The following MAD1L1 variants were observed in gnomAD, a reference collection of about 807,000 sequenced individuals.
The protein encoded by MAD1L1 is mitotic arrest deficient 1 like 1.
In MAD1L1, 95 loss-of-function variants were observed where a neutral mutation model predicts 96.9. The ratio of observed to expected loss-of-function variants is 0.98; its 90% CI spans 0.83 to 1.16. The LOEUF is 1.16. MAD1L1 is among the 50% of genes most tolerant of loss of function. The pLI, the probability that MAD1L1 is intolerant of heterozygous loss-of-function variation, is 0.00. For missense variants in MAD1L1, 1,007 were observed against 954.4 expected, an observed-to-expected ratio of 1.06 and a Z score of -0.73; for synonymous variants, 473 against 396.6, an observed-to-expected ratio of 1.19 and a Z score of -2.29.
chr7:1,850,158 G>A (rs1275770956), intron 18 of MAD1L1, among the ~76,000 whole-genome samples: 4 of 152,158 alleles, frequency 2.6e-5, no homozygotes, highest in East Asian at 1.9e-4. Context: ...CCGGGGCAGC[G>A]GCTTCCCCTG....
At chr7:2,221,225 G>A (rs750543285) in intron 5 of MAD1L1, among the ~76,000 whole-genome samples, 9 of 151,852 alleles carry the variant, frequency 5.9e-5, no homozygotes, top group African/African-American at 1.7e-4. Context: ...TGCTCGGCAC[G>A]ACTCACCCTC....
intron 12 of MAD1L1, among the ~76,000 whole-genome samples, chr7:2,051,540 C>A (rs368585746): frequency 2.0e-5 from 3 of 152,146 alleles, no homozygotes; most frequent in East Asian, 3.9e-4. Context: ...TAGAAACTCA[C>A]ACTTAATGCA....
chr7:2,156,218 C>A (rs540051490), intron 10 of MAD1L1, among the ~76,000 whole-genome samples: 1 of 150,390 alleles, frequency 6.6e-6, no homozygotes, highest in South Asian at 2.1e-4. Context: ...GGTTTCACGG[C>A]GCGTGTGGCG....
At chr7:2,120,190 T>C (rs1050334179) in intron 11 of MAD1L1, among the ~76,000 whole-genome samples, 1 of 152,118 alleles carries the variant, frequency 6.6e-6, no homozygotes, top group Non-Finnish European at 1.5e-5. Flanking sequence ...CAACACAGTC[T>C]CCCTTCCCCA....
At chr7:1,859,221 T>TC (rs1389103204) in intron 18 of MAD1L1, among the ~76,000 whole-genome samples, 1 of 152,110 alleles carries the variant, frequency 6.6e-6, no homozygotes, top group Non-Finnish European at 1.5e-5. Context: ...AAGAGCCACT[T>TC]CCCAGAACGC....
intron 11 of MAD1L1, among the ~76,000 whole-genome samples, chr7:2,104,735 A>G (rs961277168): frequency 2.5e-5 from 2 of 78,862 alleles, no homozygotes; most frequent in Non-Finnish European, 7.5e-5. Context: ...TCATTGTGAC[A>G]TCCCTAACGC....
chr7:2,088,842 C>T lies in MAD1L1; in HGVS notation c.1074-19504G>A, dbSNP rs896996349. 2.0e-5 allele frequency: 3 copies of T among 152,326 alleles called. No individual in the cohort carries two copies. The highest frequency in any genetic ancestry group is 1.9e-4 in the East Asian group (1 of 5,200). The allele number at this position is 152,326 out of a possible 1,614,324, so 9.4% of individuals were successfully genotyped here. A position where few individuals can be genotyped will look rare whatever the true frequency, so the allele number is the denominator to read the frequency against. Reference sequence around the variant, plus strand: ...TCCACAGAGGAGTTGTGAAGGTTCACACAGGGCTGGTGCTCACCCTCTGCC... The same window carrying T: ...TCCACAGAGGAGTTGTGAAGGTTCATACAGGGCTGGTGCTCACCCTCTGCC... On this transcript the variant is annotated intron_variant, in intron 11 of 18. Coordinates refer to ENST00000265854, the MANE Select transcript of MAD1L1 (RefSeq NM_001013836.2). This position sits in a 1 kb window ranked among gnomAD's most constrained non-coding sequence, Gnocchi z 4.4.
At chr7:1,985,019 G>A (rs1038125873) in intron 14 of MAD1L1, among the ~76,000 whole-genome samples, 1 of 152,188 alleles carries the variant, frequency 6.6e-6, no homozygotes, top group Non-Finnish European at 1.5e-5. Context: ...TATGTTGGGT[G>A]CCTAACTAGT....
chr7:1,871,198 CTGAA>C (rs1785068442), intron 18 of MAD1L1, among the ~76,000 whole-genome samples: 1 of 144,002 alleles, frequency 6.9e-6, no homozygotes, highest in African/African-American at 2.6e-5. Context: ...GCCTGCCATG[CTGAA>C]CCCACCGTAA....
intron 3 of MAD1L1, among the ~76,000 whole-genome samples, chr7:2,227,332 T>C (rs1395080575): frequency 6.6e-6 from 1 of 152,164 alleles, no homozygotes. Context: ...AGACACATTC[T>C]CAGGGCGTTC....
chr7:2,000,487 T>C (rs1248577626), intron 14 of MAD1L1, among the ~76,000 whole-genome samples: 3 of 152,148 alleles, frequency 2.0e-5, no homozygotes, highest in African/African-American at 7.2e-5. Flanking sequence ...GGACCCCGCT[T>C]CTGTCACCCC....
intron 18 of MAD1L1, among the ~76,000 whole-genome samples, chr7:1,831,067 C>G (rs1467577287): frequency 5.3e-5 from 8 of 152,280 alleles, no homozygotes; most frequent in Non-Finnish European, 8.8e-5. Context: ...TCACAGAAGC[C>G]AATTCGCCCT....
At chr7:1,843,119 G>C (rs1338590205) in intron 18 of MAD1L1, among the ~76,000 whole-genome samples, 1 of 152,166 alleles carries the variant, frequency 6.6e-6, no homozygotes, top group Non-Finnish European at 1.5e-5. Context: ...GACCACACAT[G>C]AGGCCCCGAT....
At chr7:2,137,653 C>T (rs921163975) in intron 11 of MAD1L1, among the ~76,000 whole-genome samples, 2 of 152,228 alleles carry the variant, frequency 1.3e-5, no homozygotes, top group Admixed American at 1.3e-4. Context: ...ATGGCACTGC[C>T]TGAAAACCTC....
intron 10 of MAD1L1, among the ~76,000 whole-genome samples, chr7:2,192,188 T>C (rs1272734211): frequency 6.6e-6 from 1 of 151,866 alleles, no homozygotes; most frequent in Non-Finnish European, 1.5e-5. Context: ...TGGAGTGTAA[T>C]GGCATGATCT....
intron 18 of MAD1L1, among the ~76,000 whole-genome samples, chr7:1,886,552 G>A (rs1404825385): frequency 6.6e-6 from 1 of 152,140 alleles, no homozygotes; most frequent in Non-Finnish European, 1.5e-5. Flanking sequence ...GGGCGGGAGA[G>A]GGCCCACCTG....
At chr7:1,867,957 G>T (rs1017004854) in intron 18 of MAD1L1, among the ~76,000 whole-genome samples, 1 of 152,240 alleles carries the variant, frequency 6.6e-6, no homozygotes, top group East Asian at 1.9e-4. Context: ...AATACGGGGC[G>T]ACAACCGTCT....
intron 10 of MAD1L1, among the ~76,000 whole-genome samples, chr7:2,206,174 T>G (rs1414985855): frequency 6.6e-6 from 1 of 152,232 alleles, no homozygotes; most frequent in African/African-American, 2.4e-5. Context: ...AAAAGTCTTT[T>G]GACCATTTTT....
chr7:1,856,304 G>C (rs1485372767), intron 18 of MAD1L1, among the ~76,000 whole-genome samples: 1 of 152,226 alleles, frequency 6.6e-6, no homozygotes, highest in East Asian at 1.9e-4. Context: ...TCTCGCTTCG[G>C]TTCTGGCTGA....
Sources: gnomAD v4.1 joint callset for allele counts (sites outside exome capture counted in the v4.1 genomes callset) on GRCh38, gnomAD v4.1.1 for gene constraint, Gnocchi (gnomAD v3.1) non-coding constraint, MANE v1.5 for transcripts, NCBI Gene and HGNC (gene_info 2026-07-23, HGNC 2026-07-21) for gene names.